SBF2: variants seen among roughly 807,000 people sequenced by gnomAD.
SBF2 encodes the protein SET binding factor 2, also known as myotubularin-related protein 13.
A neutral mutation model predicts 225.2 loss-of-function variants in SBF2; 112 were observed. The ratio of observed to expected loss-of-function variants is 0.50; its 90% CI spans 0.43 to 0.58. SBF2 has a LOEUF of 0.58. Among genes scored for constraint, SBF2 ranks in the 20% least tolerant of loss-of-function variants. SBF2 has a pLI of 0.00. For synonymous variants in SBF2, 763 were observed against 773.3 expected (o/e 0.99, Z 0.22); for missense variants, 1,996 against 2,206.2 (o/e 0.90, Z 1.91).
At chr11:10,106,755 A>T (rs1590969357) in intron 2 of SBF2, among the ~76,000 whole-genome samples, 1 of 152,142 alleles carries the variant, frequency 6.6e-6, no homozygotes, top group African/African-American at 2.4e-5. Context: ...TTTGCAAATC[A>T]TGTATCTGAA....
At chr11:10,298,781 A>C (rs931174012), upstream of SBF2, among the ~76,000 whole-genome samples, 4 of 152,110 alleles carry the variant, frequency 2.6e-5, no homozygotes, top group Non-Finnish European at 5.9e-5. Context: ...TATTGTTCCT[A>C]CTTCCCAAAT....
rs779915208 is a variant in SBF2 at position 10,193,954 on chromosome 11, C to T, written c.89G>A (p.Arg30Lys). 4 of 1,612,938 alleles carry T rather than the reference C, an allele frequency of 2.5e-6. No individual in the cohort carries two copies. Among genetic ancestry groups the T allele is most frequent in the Non-Finnish European group, 3.4e-6 (4 of 1,179,020 alleles). ...SGEGLGKIIQ[R>K]FPQKDWDDTP... ...ATCATCCCAGTCCTTCTGTGGAAAT[C>T]TCTGGATTATTTTCCCCAGACCTTC... is the stretch of plus-strand genomic sequence containing the variant. The change falls in exon 2 of 40, where the codon AGA (arginine) becomes AAA (lysine). Residue 30 changes from arginine (R) to lysine (K), a missense_variant. Physicochemically the swap from Arg to Lys is conservative, Grantham distance 26. Coordinates refer to ENST00000256190, the MANE Select transcript of SBF2 (RefSeq NM_030962.4).
intron 16 of SBF2, chr11:9,959,673 T>C (rs1357965300): frequency 6.8e-6 from 5 of 739,928 alleles, no homozygotes; most frequent in Admixed American, 5.2e-5. Context: ...AGCGCAGTCT[T>C]GCTTGAGTAC....
At chr11:9,911,869 A>G (rs1251147781) in intron 16 of SBF2, among the ~76,000 whole-genome samples, 1 of 152,210 alleles carries the variant, frequency 6.6e-6, no homozygotes, top group African/African-American at 2.4e-5. Flanking sequence ...CAGATTTGTA[A>G]CCTTGGAGCG....
chr11:10,140,580 T>C (rs1295846339), intron 2 of SBF2, among the ~76,000 whole-genome samples: 1 of 152,188 alleles, frequency 6.6e-6, no homozygotes, highest in African/African-American at 2.4e-5. Flanking sequence ...GTATTCTATA[T>C]AATAAACTGA....
intron 9 of SBF2, 151 bp downstream of exon 9, chr11:9,998,115 T>G (rs1243559609): frequency 1.6e-6 from 1 of 617,256 alleles, no homozygotes. Context: ...TGAAGAATTC[T>G]AAATACTGTA....
Position 9,994,071 on chromosome 11 carries a change from A to G in SBF2, c.976-73T>C, listed in dbSNP as rs537091085. ...ATCTATTATTGAGACATTAAGATGAAAATGTCAGCATATGAATTATAATAT... is the reference window on the plus strand; with the variant it reads ...ATCTATTATTGAGACATTAAGATGAGAATGTCAGCATATGAATTATAATAT... On this transcript the variant is annotated intron_variant, in intron 9 of 39. Coordinates refer to ENST00000256190, the MANE Select transcript of SBF2 (RefSeq NM_030962.4). 8.7e-6 allele frequency: 9 copies of G among 1,033,356 alleles called. No homozygotes were observed. The South Asian group carries it at 1.1e-4, about 12-fold the overall frequency. 64.0% of individuals were successfully genotyped at this position (1,033,356 alleles called of 1,614,324 possible).
chr11:10,073,903 G>C (rs766132100), intron 2 of SBF2, among the ~76,000 whole-genome samples: 1 of 152,106 alleles, frequency 6.6e-6, no homozygotes, highest in Non-Finnish European at 1.5e-5. Flanking sequence ...TATTACTTAT[G>C]TTTTAGGTAT....
At chr11:9,977,805 C>G (rs1946769426) in intron 13 of SBF2, among the ~76,000 whole-genome samples, 1 of 152,142 alleles carries the variant, frequency 6.6e-6, no homozygotes, top group South Asian at 2.1e-4. Flanking sequence ...CTCCAGAAAG[C>G]TAAAAGAGCA....
At chr11:9,896,803 G>T (rs1467766498) in intron 16 of SBF2, among the ~76,000 whole-genome samples, 1 of 151,322 alleles carries the variant, frequency 6.6e-6, no homozygotes, top group African/African-American at 2.4e-5. Context: ...AAAAAAAAAG[G>T]GGGGTGGGGC....
intron 27 of SBF2, among the ~76,000 whole-genome samples, chr11:9,831,267 G>T (rs118051073): frequency 5.3e-4 from 81 of 152,324 alleles, no homozygotes; most frequent in Admixed American, 7.2e-4. Context: ...CCAAGTAGCT[G>T]GGACTACAGG....
chr11:9,954,433 A>G (rs959629634), intron 16 of SBF2, among the ~76,000 whole-genome samples: 2 of 152,224 alleles, frequency 1.3e-5, no homozygotes, highest in African/African-American at 4.8e-5. Flanking sequence ...ATAAATACTA[A>G]CAAATCCCAA....
intron 13 of SBF2, among the ~76,000 whole-genome samples, chr11:9,971,515 C>A (rs1385033010): frequency 6.6e-6 from 1 of 151,680 alleles, no homozygotes; most frequent in Non-Finnish European, 1.5e-5. Flanking sequence ...CCCATTTCTA[C>A]AAAAAAATAA....
At chr11:9,912,673 G>A (rs1238563325) in intron 16 of SBF2, among the ~76,000 whole-genome samples, 2 of 152,200 alleles carry the variant, frequency 1.3e-5, no homozygotes, top group African/African-American at 2.4e-5. Flanking sequence ...ATGTGGCCCA[G>A]GGAAGCCAAA....
Position 9,852,027 on chromosome 11 carries a change from G to A in SBF2, c.2610+649C>T, listed in dbSNP as rs117511420. Among the ~76,000 whole-genome samples, 327 of 152,222 alleles carry A rather than the reference G, an allele frequency of 2.1e-3. 2 individuals carry two copies. The highest frequency in any genetic ancestry group is 3.9e-3 in the Admixed American group (60 of 15,296). ...TGGGCTCAAGTCATCTGCCTGCCTC[G>A]GACTGCCAAAGTGTTGGGATTATAG... On this transcript the variant is annotated intron_variant, in intron 21 of 39. Transcript: ENST00000256190.
intron 2 of SBF2, among the ~76,000 whole-genome samples, chr11:10,164,034 A>G (rs2135220266): frequency 6.6e-6 from 1 of 152,314 alleles, no homozygotes; most frequent in East Asian, 1.9e-4. Flanking sequence ...CTTCTCTCCC[A>G]GTTATCCAAA....
intron 1 of SBF2, among the ~76,000 whole-genome samples, chr11:10,210,357 A>G (rs1957894067): frequency 6.6e-6 from 1 of 151,824 alleles, no homozygotes. Context: ...AGAGGAAGAA[A>G]GGAGGAGGAG....
intron 17 of SBF2, among the ~76,000 whole-genome samples, chr11:9,871,470 C>CTTATTATTATTA (rs375904547): frequency 0.18 from 24,761 of 136,670 alleles, 2,532 homozygotes; most frequent in Admixed American, 0.22. Context: ...CAGGATGACG[C>CTTATTATTATTA]TTATTATTAT....
At chr11:10,063,850 C>CAG (rs1293919484) in intron 2 of SBF2, among the ~76,000 whole-genome samples, 1 of 134,638 alleles carries the variant, frequency 7.4e-6, no homozygotes, top group Non-Finnish European at 1.6e-5. Flanking sequence ...CACACACACA[C>CAG]ACACACACAG....
Sources: allele counts gnomAD v4.1 joint callset (sites outside exome capture counted in the v4.1 genomes callset), GRCh38; gene constraint gnomAD v4.1.1; transcripts MANE v1.5; gene names NCBI Gene and HGNC (gene_info 2026-07-23, HGNC 2026-07-21).